VPS41: variants seen among roughly 807,000 people sequenced by gnomAD.
VPS41 encodes vacuolar protein sorting-associated protein 41 homolog.
In VPS41, 85 loss-of-function variants were observed where a neutral mutation model predicts 130.9. That is an observed-to-expected ratio of 0.65 (90% CI 0.55 to 0.78). The LOEUF (loss-of-function observed/expected upper bound fraction) is 0.78. VPS41 is among the 30% of genes least tolerant of loss of function. The pLI, the probability that VPS41 is intolerant of heterozygous loss-of-function variation, is 0.00. For synonymous variants in VPS41, 335 were observed against 332.9 expected, an observed-to-expected ratio of 1.01 and a Z score of -0.07; for missense variants, 874 against 1,018.7, an observed-to-expected ratio of 0.86 and a Z score of 1.93.
chr7:38,874,696 T>C (rs569923582), intron 2 of VPS41, among the ~76,000 whole-genome samples: 2 of 152,222 alleles, frequency 1.3e-5, no homozygotes, highest in South Asian at 4.1e-4. Context: ...AAAAAACCTT[T>C]CATGCAGTTT....
chr7:38,810,756 C>A (rs1584406979), intron 7 of VPS41, among the ~76,000 whole-genome samples: 1 of 152,142 alleles, frequency 6.6e-6, no homozygotes, highest in Non-Finnish European at 1.5e-5. Context: ...AAAGTCATAA[C>A]CTCTCAGTTA....
intron 19 of VPS41, among the ~76,000 whole-genome samples, chr7:38,755,368 G>A (rs1056436158): frequency 3.3e-5 from 5 of 152,158 alleles, no homozygotes; most frequent in African/African-American, 1.2e-4. Context: ...AGACTCCACA[G>A]ACAGAAGGAG....
chr7:38,754,607 A>G (rs1303187748), intron 21 of VPS41, 95 bp downstream of exon 21: 3 of 1,000,372 alleles, frequency 3.0e-6, no homozygotes, highest in South Asian at 1.5e-5. Context: ...ACCTCCTTGA[A>G]GAATTCACTC....
intron 2 of VPS41, among the ~76,000 whole-genome samples, chr7:38,878,522 T>C (rs1786537157): frequency 6.6e-6 from 1 of 152,166 alleles, no homozygotes; most frequent in African/African-American, 2.4e-5. Flanking sequence ...AATTCTGTCA[T>C]CTCATGTAGA....
chr7:38,802,560 T>A (rs141601217), intron 7 of VPS41, among the ~76,000 whole-genome samples: 3 of 152,328 alleles, frequency 2.0e-5, no homozygotes, highest in Non-Finnish European at 4.4e-5. Context: ...CATTGGCTTT[T>A]TTATCCTAAT....
chr7:38,810,869 A>G (rs540789598), intron 7 of VPS41, among the ~76,000 whole-genome samples: 1 of 152,310 alleles, frequency 6.6e-6, no homozygotes, highest in Non-Finnish European at 1.5e-5. Flanking sequence ...GCAAGGTTAT[A>G]ACCATTTGCT....
At chr7:38,792,681 C>T (rs1784555991) in intron 9 of VPS41, among the ~76,000 whole-genome samples, 1 of 152,152 alleles carries the variant, frequency 6.6e-6, no homozygotes. Flanking sequence ...GAGATCCTTC[C>T]AAAATACAAG....
At position 38,883,386 on chromosome 7, in the gene VPS41, A is replaced by G. The variant is rs540647275; in HGVS notation, c.61-14133T>C. 9.2e-5 allele frequency among the ~76,000 whole-genome samples: 14 copies of G among 152,258 alleles called. 1 individual carries two copies. In the South Asian group the frequency reaches 2.9e-3, roughly 32 times the overall value. ...CACATCCTAGAAGACATCCAGCATGACCCTACCTCTGGGCACAGTGTTTGC... is the reference window on the plus strand; with the variant it reads ...CACATCCTAGAAGACATCCAGCATGGCCCTACCTCTGGGCACAGTGTTTGC... On this transcript the variant is annotated intron_variant, in intron 2 of 28. Coordinates refer to ENST00000310301, the MANE Select transcript of VPS41 (RefSeq NM_014396.4).
chr7:38,770,995 A>AT (rs1784142665), intron 14 of VPS41, among the ~76,000 whole-genome samples: 1 of 152,110 alleles, frequency 6.6e-6, no homozygotes, highest in Non-Finnish European at 1.5e-5. Flanking sequence ...ATTACCTAAA[A>AT]CTGCCTCCTA....
At chr7:38,776,843 C>A in intron 10 of VPS41, 67 bp from the exon 11 acceptor site, 1 of 808,276 alleles carries the variant, frequency 1.2e-6, no homozygotes, top group Admixed American at 1.9e-5. Flanking sequence ...TCTGGAGGAA[C>A]ACAATGACTG....
intron 1 of VPS41, among the ~76,000 whole-genome samples, chr7:38,903,911 G>T (rs1423828613): frequency 6.6e-6 from 1 of 152,080 alleles, no homozygotes. Context: ...AAATCTTGAC[G>T]TGTGCCCCAG....
chr7:38,815,866 T>C (rs1210461873), intron 7 of VPS41, among the ~76,000 whole-genome samples: 2 of 152,066 alleles, frequency 1.3e-5, no homozygotes, highest in African/African-American at 4.8e-5. Flanking sequence ...CTTGCAGAGA[T>C]GGCCTATTGC....
intron 4 of VPS41, among the ~76,000 whole-genome samples, chr7:38,834,025 T>C (rs942840280): frequency 1.2e-4 from 19 of 152,092 alleles, no homozygotes; most frequent in African/African-American, 3.6e-4. Context: ...ATTTTCTATA[T>C]TGATAAAAGA....
At chr7:38,878,857 C>T (rs1412136509) in intron 2 of VPS41, among the ~76,000 whole-genome samples, 3 of 152,222 alleles carry the variant, frequency 2.0e-5, no homozygotes, top group Admixed American at 6.5e-5. Flanking sequence ...ATAAGAGAAA[C>T]ATTCCCATCA....
At chr7:38,835,507 C>G (rs1785473771) in intron 4 of VPS41, among the ~76,000 whole-genome samples, 1 of 151,792 alleles carries the variant, frequency 6.6e-6, no homozygotes, top group Non-Finnish European at 1.5e-5. Context: ...TGTATTTGCC[C>G]ATTAATCTAG....
intron 2 of VPS41, among the ~76,000 whole-genome samples, chr7:38,879,569 T>C (rs546687565): frequency 6.6e-6 from 1 of 152,212 alleles, no homozygotes; most frequent in East Asian, 1.9e-4. Flanking sequence ...GGACTGGTTT[T>C]GTGGAAGACA....
intron 2 of VPS41, among the ~76,000 whole-genome samples, chr7:38,887,472 T>C (rs935480062): frequency 4.6e-5 from 7 of 151,566 alleles, no homozygotes; most frequent in African/African-American, 1.7e-4. Flanking sequence ...GAAGACAAGA[T>C]TAGAGAAAAA....
chr7:38,774,972 G>A (rs146752724), intron 11 of VPS41, among the ~76,000 whole-genome samples: 1,665 of 152,234 alleles, frequency 0.011, 7 homozygotes, highest in Non-Finnish European at 0.015. Context: ...ACAGACATAC[G>A]CAGGGAAAAT....
At chr7:38,729,622 G>A (rs1795617866) in intron 25 of VPS41, among the ~76,000 whole-genome samples, 1 of 152,132 alleles carries the variant, frequency 6.6e-6, no homozygotes, top group Admixed American at 6.5e-5. Flanking sequence ...CCTGCCTGGA[G>A]AATGACAAGA....
Sources: gnomAD v4.1 joint callset for allele counts (sites outside exome capture counted in the v4.1 genomes callset) on GRCh38, gnomAD v4.1.1 for gene constraint, MANE v1.5 for transcripts, NCBI Gene and HGNC (gene_info 2026-07-23, HGNC 2026-07-21) for gene names.